NUP58: variants seen among roughly 807,000 people sequenced by gnomAD.
The protein encoded by NUP58 is nucleoporin p58/p45.
A neutral mutation model predicts 70.1 loss-of-function variants in NUP58; 17 were observed. That is an observed-to-expected ratio of 0.24 (90% CI 0.17 to 0.36). The LOEUF is 0.36. Among genes scored for constraint, NUP58 ranks in the 10% least tolerant of loss-of-function variants. The pLI is 1.00. For missense variants in NUP58, 644 were observed against 701.5 expected (o/e 0.92, Z 0.93); for synonymous variants, 275 against 257.6 (o/e 1.07, Z -0.65).
intron 13 of NUP58, among the ~76,000 whole-genome samples, chr13:25,336,710 A>G (rs554316701): frequency 5.9e-5 from 9 of 152,286 alleles, no homozygotes; most frequent in Non-Finnish European, 1.3e-4. Flanking sequence ...AGTTCTGAAC[A>G]GGTTAATTTT....
intron 1 of NUP58, chr13:25,303,230 G>GAA: frequency 2.6e-6 from 1 of 390,118 alleles, no homozygotes; most frequent in Non-Finnish European, 4.9e-6. Context: ...GTTTAAAAAA[G>GAA]AAAAAAAAAC....
chr13:25,321,199 A>G (rs1428178280), intron 9 of NUP58, 106 bp downstream of exon 9: 9 of 934,974 alleles, frequency 9.6e-6, no homozygotes, highest in African/African-American at 1.7e-5. Flanking sequence ...GAAATTTGAT[A>G]CATGCATACC....
intron 9 of NUP58, among the ~76,000 whole-genome samples, chr13:25,323,346 A>T (rs1487875072): frequency 6.7e-6 from 1 of 149,662 alleles, no homozygotes; most frequent in South Asian, 2.2e-4. Context: ...AAACCTGCAC[A>T]TCTACCCTGG....
rs1437626343 is a variant in NUP58 at position 25,328,404 on chromosome 13, T to C, written c.1233+892T>C. On this transcript the variant is annotated intron_variant, in intron 12 of 15. Coordinates refer to ENST00000381736, the MANE Select transcript of NUP58 (RefSeq NM_014089.4). The stretch of plus-strand genomic sequence containing the variant: ...TTTAGACTGACTCTCGCTTTTTTTT[T>C]TTTTTTTTTGAGACAGACTCTTGCT... 2.0e-5 allele frequency among the ~76,000 whole-genome samples: 3 copies of C among 149,942 alleles called. No individual in the cohort carries two copies. The East Asian group carries it at 6.0e-4, about 30-fold the overall frequency.
intron 13 of NUP58, chr13:25,332,149 T>C: frequency 1.0e-6 from 1 of 987,050 alleles, no homozygotes; most frequent in Non-Finnish European, 1.2e-6. Flanking sequence ...CTTTCCAAGG[T>C]GAACAGAACA....
At chr13:25,348,647 A>C (rs1478791804) in intron 3 of NUP58, among the ~76,000 whole-genome samples, 1 of 152,232 alleles carries the variant, frequency 6.6e-6, no homozygotes, top group Non-Finnish European at 1.5e-5. Flanking sequence ...TAGACGGTGC[A>C]GACCGTGGTT....
rs757826849 is a variant in NUP58, at chr13:25,309,267, A to T, written c.271A>T (p.Thr91Ser). The T allele has an allele frequency of 2.1e-5, 34 of 1,607,188 alleles. No homozygotes were observed. In the Admixed American group the frequency reaches 5.5e-4, roughly 26 times the overall value. Reference protein sequence around the residue: ...TNTGIATTITTGLTLGTPATT... With the variant: ...TNTGIATTITSGLTLGTPATT... ...CCCAGGAATAGCAACAACTATAACTACAGGATTAACTCTGGGTAAGAATTT... is the reference window on the plus strand; with the variant it reads ...CCCAGGAATAGCAACAACTATAACTTCAGGATTAACTCTGGGTAAGAATTT... Residue 91 changes from threonine to serine, a missense_variant, in exon 3 of 16, where the codon ACA becomes TCA. By Grantham distance (58) the Thr-to-Ser change is moderately conservative. Coordinates refer to ENST00000381736, the MANE Select transcript of NUP58 (RefSeq NM_014089.4).
At chr13:25,339,899 C>A in intron 15 of NUP58, 66 bp from the exon 16 acceptor site, 3 of 1,359,028 alleles carry the variant, frequency 2.2e-6, no homozygotes, top group Non-Finnish European at 3.0e-6. Flanking sequence ...TACTGCTCCT[C>A]CCTGTTTTTA....
chr13:25,343,733 AGGC>A (rs1025073464), downstream of NUP58, among the ~76,000 whole-genome samples: 9 of 151,424 alleles, frequency 5.9e-5, no homozygotes, highest in Middle Eastern at 3.5e-3. Flanking sequence ...CTGAGATTAT[AGGC>A]GTGAGCTACC....
chr13:25,334,658 A>G lies in NUP58; in HGVS notation c.1436-2278A>G, dbSNP rs550107025. 6 of 980,596 alleles carry G rather than the reference A, an allele frequency of 6.1e-6. No homozygotes were observed. The East Asian group carries it at 3.4e-4, about 56-fold the overall frequency. The allele number at this position is 980,596 out of a possible 1,614,324, so 60.7% of individuals were successfully genotyped here. A position where few individuals can be genotyped will look rare whatever the true frequency, so the allele number is the denominator to read the frequency against. On this transcript the variant is annotated intron_variant, in intron 13 of 15. Coordinates refer to ENST00000381736, the MANE Select transcript of NUP58 (RefSeq NM_014089.4). ...AATGTGACTTAGAAATAACCATACT[A>G]ATTACATTAGGCATTTGGGGTGATC...
chr13:25,302,260 G>A (rs2030055958), intron 1 of NUP58, among the ~76,000 whole-genome samples: 1 of 152,238 alleles, frequency 6.6e-6, no homozygotes, highest in Non-Finnish European at 1.5e-5. Context: ...AGCATACTGT[G>A]GAGTTTTATG....
chr13:25,316,863 A>G (rs2030954591), intron 6 of NUP58, among the ~76,000 whole-genome samples: 1 of 152,190 alleles, frequency 6.6e-6, no homozygotes, highest in Non-Finnish European at 1.5e-5. Context: ...GAGTTGAGCA[A>G]GGAGAATATA....
At chr13:25,330,042 T>A (rs1166724804) in intron 12 of NUP58, among the ~76,000 whole-genome samples, 1 of 152,164 alleles carries the variant, frequency 6.6e-6, no homozygotes, top group Admixed American at 6.5e-5. Context: ...TTGTCCAGGC[T>A]GATCTTAACT....
intron 3 of NUP58, among the ~76,000 whole-genome samples, chr13:25,312,516 C>T (rs1449544817): frequency 6.6e-6 from 1 of 152,132 alleles, no homozygotes; most frequent in Non-Finnish European, 1.5e-5. Context: ...TACAAGTGTG[C>T]ACCACCACAT....
chr13:25,344,280 C>T (rs1305320437), downstream of NUP58, among the ~76,000 whole-genome samples: 1 of 152,164 alleles, frequency 6.6e-6, no homozygotes, highest in Non-Finnish European at 1.5e-5. Flanking sequence ...AGAATCCCGC[C>T]TTGACCATGT....
chr13:25,335,262 T>C, intron 13 of NUP58: 2 of 985,296 alleles, frequency 2.0e-6, no homozygotes, highest in Non-Finnish European at 2.4e-6. Context: ...ATTAGAAAAA[T>C]CTTATGTTCT....
At chr13:25,311,262 G>C (rs1007526764) in intron 3 of NUP58, among the ~76,000 whole-genome samples, 1 of 152,140 alleles carries the variant, frequency 6.6e-6, no homozygotes, top group African/African-American at 2.4e-5. Flanking sequence ...AGGAAAGGGA[G>C]GTATATGTCG....
chr13:25,309,399 AGT>A (rs1399643885), intron 3 of NUP58, 117 bp downstream of exon 3: 3 of 771,814 alleles, frequency 3.9e-6, no homozygotes, highest in East Asian at 2.8e-5. Flanking sequence ...TATAGAAAAA[AGT>A]GTGTATCACA....
chr13:25,328,543 G>A (rs1463526439), intron 12 of NUP58, among the ~76,000 whole-genome samples: 1 of 151,566 alleles, frequency 6.6e-6, no homozygotes, highest in Non-Finnish European at 1.5e-5. Flanking sequence ...CTACAGGCAC[G>A]TGCCACCATG....
Sources: allele counts gnomAD v4.1 joint callset (sites outside exome capture counted in the v4.1 genomes callset), GRCh38; gene constraint gnomAD v4.1.1; transcripts MANE v1.5; gene names NCBI Gene and HGNC (gene_info 2026-07-23, HGNC 2026-07-21).